The following EYA1 variants were observed in gnomAD, a reference collection of about 807,000 sequenced individuals.
EYA1 encodes the protein EYA transcriptional coactivator and phosphatase 1.
Under a neutral mutation model 82.0 loss-of-function variants are expected in EYA1, and 16 were observed. That is an observed-to-expected ratio of 0.20 (90% CI 0.13 to 0.30). The LOEUF is 0.30. Ranked by LOEUF, EYA1 falls within the 10% of genes least tolerant of loss-of-function variation. EYA1 has a pLI of 1.00. For synonymous variants in EYA1, 261 were observed against 264.4 expected, an observed-to-expected ratio of 0.99 and a Z score of 0.12; for missense variants, 633 against 730.7, an observed-to-expected ratio of 0.87 and a Z score of 1.54.
chr8:71,347,908 C>G (rs556668567), intron 3 of EYA1, among the ~76,000 whole-genome samples: 5 of 109,886 alleles, frequency 4.6e-5, no homozygotes, highest in Admixed American at 4.3e-4. Flanking sequence ...AAAAAAAAAA[C>G]CCCAAATCTG....
Position 71,198,827 on chromosome 8 carries a change from GTTTT to G in EYA1, c.*509_*512del, listed in dbSNP as rs146202037. Reference sequence around the variant, plus strand: ...GGGTGAATTATACCTCAATAAAGCTGTTTTTTTATCTTTTTAAAAAAAGTCTGTT... The same window carrying G: ...GGGTGAATTATACCTCAATAAAGCTGTTTATCTTTTTAAAAAAAGTCTGTT... On this transcript the variant is annotated 3_prime_UTR_variant, in exon 18 of 18. Coordinates refer to ENST00000340726, the MANE Select transcript of EYA1 (RefSeq NM_000503.6). 1,861 of 135,556 alleles carry G rather than the reference GTTTT, an allele frequency of 0.014. 51 individuals are homozygous for G. Among genetic ancestry groups the G allele is most frequent in the East Asian group, 0.12 (674 of 5,404 alleles). The allele number at this position is 135,556 out of a possible 1,614,324, so 8.4% of individuals were successfully genotyped here. A position where few individuals can be genotyped will look rare whatever the true frequency, so the allele number is the denominator to read the frequency against.
At chr8:71,407,387 G>A (rs1207039787) in intron 2 of EYA1, among the ~76,000 whole-genome samples, 3 of 144,386 alleles carry the variant, frequency 2.1e-5, no homozygotes, top group Admixed American at 1.4e-4. Context: ...TGACTTTGAC[G>A]AGCTGAGAGA....
chr8:71,343,920 A>T (rs953106760), intron 3 of EYA1, among the ~76,000 whole-genome samples: 5 of 152,212 alleles, frequency 3.3e-5, no homozygotes, highest in Non-Finnish European at 7.3e-5. Context: ...TCATACAGAC[A>T]GGAAAGTTGG....
At chr8:71,393,608 C>T (rs1586618489) in intron 2 of EYA1, among the ~76,000 whole-genome samples, 1 of 152,162 alleles carries the variant, frequency 6.6e-6, no homozygotes, top group Non-Finnish European at 1.5e-5. Context: ...ATCCATGTCC[C>T]TACAAAGGAC....
At chr8:71,431,258 C>G (rs1356402782) in intron 2 of EYA1, among the ~76,000 whole-genome samples, 1 of 152,184 alleles carries the variant, frequency 6.6e-6, no homozygotes, top group African/African-American at 2.4e-5. Context: ...TCTCTGTCTC[C>G]CTTCCTGTAA....
Position 71,406,857 on chromosome 8 carries a change from TG to T in EYA1, c.34-50347del, listed in dbSNP as rs1251773130. On this transcript the variant is annotated intron_variant, in intron 2 of 18. Coordinates refer to the EYA1 transcript ENST00000643681. ...AACAAAGCAGCCGGGAAGCTCGAAC[TG>T]GGTGGAGCCCACCACAGCTCAAGGA... Among the ~76,000 whole-genome samples, 4 of 144,502 alleles carry T rather than the reference TG, an allele frequency of 2.8e-5. No individual in the cohort carries two copies. The East Asian group carries it at 8.2e-4, about 29-fold the overall frequency. The allele number at this position is 144,502 out of a possible 152,430, so 94.8% of individuals were successfully genotyped here. A position where few individuals can be genotyped will look rare whatever the true frequency, so the allele number is the denominator to read the frequency against.
At chr8:71,341,166 G>A (rs992879224) in intron 3 of EYA1, among the ~76,000 whole-genome samples, 49 of 152,226 alleles carry the variant, frequency 3.2e-4, no homozygotes, top group African/African-American at 1.0e-3. Context: ...AAAAAGAAAG[G>A]TAAATAAATT....
chr8:71,322,933 A>T (rs1822747291), intron 4 of EYA1, among the ~76,000 whole-genome samples: 1 of 152,050 alleles, frequency 6.6e-6, no homozygotes. Context: ...AACTAAAAAA[A>T]GGTTTGCCTT....
rs531265212 is a variant in EYA1 at position 71,344,957 on chromosome 8, T to C, written c.124+9825A>G. 5.3e-5 allele frequency among the ~76,000 whole-genome samples: 8 copies of C among 152,284 alleles called. No homozygotes were observed. The East Asian group carries it at 9.7e-4, about 18-fold the overall frequency. On this transcript the variant is annotated intron_variant, in intron 3 of 17. Transcript: ENST00000340726. ...CACCCAGACATAAACCCTAACCACA[T>C]TGAGTATTAATGGAAATAGTAATTA...
At chr8:71,209,326 C>T (rs1808220668) in intron 17 of EYA1, among the ~76,000 whole-genome samples, 1 of 152,200 alleles carries the variant, frequency 6.6e-6, no homozygotes, top group Non-Finnish European at 1.5e-5. Context: ...GTAACAGAGG[C>T]ACCCAATGAC....
chr8:71,291,872 CACA>C (rs1358658756), intron 9 of EYA1, among the ~76,000 whole-genome samples: 4 of 151,982 alleles, frequency 2.6e-5, no homozygotes, highest in African/African-American at 9.7e-5. Flanking sequence ...GAGCTCTAAG[CACA>C]ACAATTGTGT....
At chr8:71,327,266 C>T (rs772322694) in intron 4 of EYA1, among the ~76,000 whole-genome samples, 2 of 152,122 alleles carry the variant, frequency 1.3e-5, no homozygotes, top group Non-Finnish European at 2.9e-5. Context: ...GTTGAATGAA[C>T]GAATCAGACC....
At position 71,334,148 on chromosome 8, in the gene EYA1, C is replaced by T; in HGVS notation, c.151G>A (p.Glu51Lys). ...EVKTEPMSSS[E>K]TASTTADGSL... Reference sequence around the variant, plus strand: ...CCGTCGGCTGTCGTTGAAGCTGTTTCACTGCTGCTCATTGGCTCTGTTTTA... The same window carrying T: ...CCGTCGGCTGTCGTTGAAGCTGTTTTACTGCTGCTCATTGGCTCTGTTTTA... Residue 51 changes from glutamate to lysine, a missense_variant, in exon 4 of 18, where the codon GAA becomes AAA. By Grantham distance (56) the Glu-to-Lys change is moderately conservative (BLOSUM62 1). Coordinates refer to ENST00000340726, the MANE Select transcript of EYA1 (RefSeq NM_000503.6). 6.2e-7 allele frequency: 1 copy of T among 1,613,536 alleles called. No individual in the cohort carries two copies. The highest frequency in any genetic ancestry group is 8.5e-7 in the Non-Finnish European group (1 of 1,179,574).
At chr8:71,432,277 G>A (rs73296352) in intron 2 of EYA1, among the ~76,000 whole-genome samples, 35 of 152,288 alleles carry the variant, frequency 2.3e-4, no homozygotes, top group African/African-American at 8.4e-4. Flanking sequence ...TAGAATCTAA[G>A]CTTTGTTTGC....
chr8:71,371,598 T>C (rs943084291), intron 2 of EYA1, among the ~76,000 whole-genome samples: 3 of 151,986 alleles, frequency 2.0e-5, no homozygotes, highest in African/African-American at 7.3e-5. Context: ...AAGCCAACAA[T>C]TAAGAATTAT....
At chr8:71,330,606 CA>C (rs1387400750) in intron 4 of EYA1, among the ~76,000 whole-genome samples, 51 of 152,220 alleles carry the variant, frequency 3.4e-4, no homozygotes, top group African/African-American at 1.0e-3. Context: ...TTTAGGAGCA[CA>C]TACTATCTGC....
chr8:71,515,478 C>CA (rs377339107), intron 2 of EYA1, among the ~76,000 whole-genome samples: 5,093 of 146,368 alleles, frequency 0.035, 243 homozygotes, highest in African/African-American at 0.11. Flanking sequence ...ATCTCAATAT[C>CA]AAAAAAAAAA....
chr8:71,225,092 G>A, intron 12 of EYA1: 1 of 282,926 alleles, frequency 3.5e-6, no homozygotes, highest in South Asian at 3.2e-5. Flanking sequence ...GTTTTTACTT[G>A]CGTGTTTTTC....
intron 9 of EYA1, among the ~76,000 whole-genome samples, chr8:71,281,543 G>A (rs1411633685): frequency 6.6e-6 from 1 of 152,228 alleles, no homozygotes; most frequent in East Asian, 1.9e-4. Context: ...ACATCTGAAA[G>A]AGGAAAATAA....
Sources: gnomAD v4.1 joint callset for allele counts (sites outside exome capture counted in the v4.1 genomes callset) on GRCh38, gnomAD v4.1.1 for gene constraint, MANE v1.5 for transcripts, NCBI Gene and HGNC (gene_info 2026-07-23, HGNC 2026-07-21) for gene names.